The following SLC71A1 variants were observed in gnomAD, a reference collection of about 807,000 sequenced individuals.
The protein encoded by SLC71A1 is hippocampus abundant gene transcript 1.
the SLC71A1 span, among the ~76,000 whole-genome samples, chr1:100,069,192 C>G: frequency 6.6e-6 from 1 of 152,132 alleles, no homozygotes; most frequent in Admixed American, 6.5e-5. Context: ...ATGATTTAAC[C>G]CCTTCACCTG....
chr1:100,066,725 C>T, the SLC71A1 span, among the ~76,000 whole-genome samples: 1 of 152,080 alleles, frequency 6.6e-6, no homozygotes, highest in African/African-American at 2.4e-5. Flanking sequence ...CATGGTGGCT[C>T]ACGCCTGTAA....
At chr1:100,048,641 A>C in the SLC71A1 span, among the ~76,000 whole-genome samples, 83 of 151,928 alleles carry the variant, frequency 5.5e-4, no homozygotes, top group African/African-American at 1.9e-3. Context: ...TCTTTTCTTT[A>C]TCAAAGAAGA....
At chr1:100,072,712 C>T in the SLC71A1 span, among the ~76,000 whole-genome samples, 1 of 152,074 alleles carries the variant, frequency 6.6e-6, no homozygotes, top group Admixed American at 6.5e-5. Flanking sequence ...AACCTTCCAG[C>T]GAGAGCCAAG....
the SLC71A1 span, among the ~76,000 whole-genome samples, chr1:100,043,925 C>T: frequency 6.6e-6 from 1 of 152,200 alleles, no homozygotes; most frequent in African/African-American, 2.4e-5. Context: ...GGTATATATA[C>T]ACCACATTTT....
the SLC71A1 span, chr1:100,038,382 C>T: frequency 2.3e-6 from 3 of 1,297,280 alleles, no homozygotes; most frequent in African/African-American, 2.9e-5. Flanking sequence ...TTCAGACCCC[C>T]ACACTGCCGT....
the SLC71A1 span, among the ~76,000 whole-genome samples, chr1:100,070,093 A>G: frequency 6.6e-6 from 1 of 152,226 alleles, no homozygotes; most frequent in African/African-American, 2.4e-5. Context: ...AAGACAGAAA[A>G]TAAAAACACC....
chr1:100,049,486 A>G, the SLC71A1 span, among the ~76,000 whole-genome samples: 29 of 152,102 alleles, frequency 1.9e-4, no homozygotes, highest in African/African-American at 5.3e-4. Context: ...TTGTCTTTCA[A>G]TACACCCAAC....
At chr1:100,038,518 G>C in the SLC71A1 span, among the ~76,000 whole-genome samples, 1 of 152,174 alleles carries the variant, frequency 6.6e-6, no homozygotes, top group Admixed American at 6.5e-5. Flanking sequence ...GCGGCCTCCG[G>C]GGCCCGTCCT....
the SLC71A1 span, chr1:100,078,428 T>A: frequency 1.7e-5 from 25 of 1,506,676 alleles, no homozygotes; most frequent in Middle Eastern, 1.7e-4. Flanking sequence ...TTTACTGTTT[T>A]TGTTTTGCTG....
the SLC71A1 span, among the ~76,000 whole-genome samples, chr1:100,076,339 A>G: frequency 6.6e-6 from 1 of 152,188 alleles, no homozygotes; most frequent in Non-Finnish European, 1.5e-5. Context: ...GTATATTAAA[A>G]ACGTTAGTTA....
chr1:100,055,051 AGATT>A, the SLC71A1 span, among the ~76,000 whole-genome samples: 1 of 152,258 alleles, frequency 6.6e-6, no homozygotes, highest in Non-Finnish European at 1.5e-5. Context: ...TGAAGCGAAC[AGATT>A]GATTGGAATG....
At chr1:100,057,046 C>T in the SLC71A1 span, among the ~76,000 whole-genome samples, 1 of 152,108 alleles carries the variant, frequency 6.6e-6, no homozygotes, top group African/African-American at 2.4e-5. Context: ...ATTGTTTGAG[C>T]CCCTTATACA....
At chr1:100,067,410 A>G in the SLC71A1 span, among the ~76,000 whole-genome samples, 1 of 152,074 alleles carries the variant, frequency 6.6e-6, no homozygotes, top group Non-Finnish European at 1.5e-5. Flanking sequence ...ATGCCCAGCT[A>G]ATTTTTCTTT....
chr1:100,072,629 G>T, the SLC71A1 span, among the ~76,000 whole-genome samples: 5 of 151,938 alleles, frequency 3.3e-5, no homozygotes, highest in Non-Finnish European at 7.4e-5. Context: ...TTAAAATTGG[G>T]AAGTGTTACG....
the SLC71A1 span, among the ~76,000 whole-genome samples, chr1:100,061,585 T>G: frequency 6.6e-6 from 1 of 152,186 alleles, no homozygotes; most frequent in East Asian, 1.9e-4. Flanking sequence ...GGTCAAAAGA[T>G]TTGCCTGAAT....
chr1:100,039,673 C>G, the SLC71A1 span, among the ~76,000 whole-genome samples: 3 of 152,198 alleles, frequency 2.0e-5, no homozygotes, highest in African/African-American at 7.2e-5. Flanking sequence ...AATACTGTTG[C>G]CTTTGTCTAC....
chr1:100,049,066 T>A, the SLC71A1 span, among the ~76,000 whole-genome samples: 1 of 152,322 alleles, frequency 6.6e-6, no homozygotes, highest in African/African-American at 2.4e-5. Context: ...ATGCCCTCAT[T>A]TCTTGTTTGA....
At chr1:100,080,949 C>T in the SLC71A1 span, among the ~76,000 whole-genome samples, 2 of 152,172 alleles carry the variant, frequency 1.3e-5, no homozygotes, top group Non-Finnish European at 1.5e-5. Flanking sequence ...TTTCTAATAT[C>T]ACAGTTGTGT....
At chr1:100,081,829 G>A in the SLC71A1 span, among the ~76,000 whole-genome samples, 3 of 152,182 alleles carry the variant, frequency 2.0e-5, no homozygotes, top group Non-Finnish European at 4.4e-5. Flanking sequence ...ATTTTATAGA[G>A]AATGTGATAG....
Sources: allele counts gnomAD v4.1 joint callset (sites outside exome capture counted in the v4.1 genomes callset), GRCh38; gene constraint gnomAD v4.1.1; transcripts MANE v1.5; gene names NCBI Gene and HGNC (gene_info 2026-07-23, HGNC 2026-07-21).